Variants in SPATS2 observed in about 807,000 individuals in gnomAD.
The protein encoded by SPATS2 is spermatogenesis associated serine rich 2, also known as spermatogenesis-associated serine-rich protein 2.
In SPATS2, 38 loss-of-function variants were observed where a neutral mutation model predicts 63.7. That is an observed-to-expected ratio of 0.60 (90% CI 0.46 to 0.78). The LOEUF (loss-of-function observed/expected upper bound fraction) is 0.78, where lower values mean the gene tolerates loss of function less well. Ranked by LOEUF, SPATS2 falls within the 30% of genes least tolerant of loss-of-function variation. SPATS2 has a pLI of 0.00. For missense variants in SPATS2, 588 were observed against 666.2 expected, an observed-to-expected ratio of 0.88 and a Z score of 1.29; for synonymous variants, 207 against 232.9, an observed-to-expected ratio of 0.89 and a Z score of 1.01.
chr12:49,406,660 TC>T (rs1285954614), intron 2 of SPATS2: 26 of 152,056 alleles, frequency 1.7e-4, no homozygotes, highest in Admixed American at 1.7e-3. Context: ...GCTGCTTTTT[TC>T]CCCCTATTTT....
intron 3 of SPATS2, among the ~76,000 whole-genome samples, chr12:49,465,512 G>A (rs563006615): frequency 6.6e-6 from 1 of 152,022 alleles, no homozygotes; most frequent in African/African-American, 2.4e-5. Flanking sequence ...TGAAATGTCT[G>A]TTCAAATTCT....
In SPATS2 at chr12:49,489,570, G is replaced by A; in HGVS notation, c.211G>A (p.Glu71Lys). 1 of 1,609,578 alleles carries A rather than the reference G, an allele frequency of 6.2e-7. No individual in the cohort carries two copies. Among genetic ancestry groups the A allele is most frequent in the Non-Finnish European group, 8.5e-7 (1 of 1,177,916 alleles). Reference protein sequence around the residue: ...CVDKTVQAFMEGSASEVLKEW... With the variant: ...CVDKTVQAFMKGSASEVLKEW... ...GGACAAAACAGTACAAGCATTCATGGAAGGTAATCCTGACTTAATTTTAAA... is the reference window on the plus strand; with the variant it reads ...GGACAAAACAGTACAAGCATTCATGAAAGGTAATCCTGACTTAATTTTAAA... Residue 71 changes from glutamate (E) to lysine (K), a missense_variant, in exon 5 of 14, where the codon GAA becomes AAA. Glu to Lys is a moderately conservative substitution (Grantham distance 56). Coordinates refer to ENST00000552918, the MANE Select transcript of SPATS2 (RefSeq NM_023071.4).
chr12:49,493,247 A>G (rs1380279069), intron 6 of SPATS2, among the ~76,000 whole-genome samples: 2 of 152,234 alleles, frequency 1.3e-5, no homozygotes, highest in Non-Finnish European at 2.9e-5. Context: ...AGCCTTAGGA[A>G]TAGAATTAGG....
At chr12:49,466,011 CTTTT>C (rs750603483) in intron 3 of SPATS2, among the ~76,000 whole-genome samples, 3 of 139,632 alleles carry the variant, frequency 2.1e-5, no homozygotes, top group Admixed American at 1.4e-4. Flanking sequence ...CCCAATTTAT[CTTTT>C]TTTTTTTTTT....
chr12:49,441,861 T>C lies in SPATS2; in HGVS notation c.-243-18909T>C, dbSNP rs145503889. ...AACTTAATATCATATACACAACATATGCAAATTTTTCACCTTTCACAGCAC... is the reference window on the plus strand; with the variant it reads ...AACTTAATATCATATACACAACATACGCAAATTTTTCACCTTTCACAGCAC... On this transcript the variant is annotated intron_variant, in intron 2 of 13. Coordinates refer to ENST00000552918, the MANE Select transcript of SPATS2 (RefSeq NM_023071.4). The C allele has an allele frequency of 2.6e-4, 39 of 152,228 alleles. No individual in the cohort carries two copies. In the East Asian group the frequency reaches 7.3e-3, roughly 29 times the overall value. 9.4% of individuals were successfully genotyped at this position (152,228 alleles called of 1,614,324 possible). A position where few individuals can be genotyped will look rare whatever the true frequency, so the allele number is the denominator to read the frequency against.
intron 13 of SPATS2, 129 bp downstream of exon 13, chr12:49,525,025 C>A: frequency 1.1e-6 from 1 of 915,134 alleles, no homozygotes; most frequent in Non-Finnish European, 1.6e-6. Flanking sequence ...ATCCCTCCAA[C>A]CCAAGTTAGT....
At chr12:49,483,137 G>GAA (rs201106429) in intron 3 of SPATS2, among the ~76,000 whole-genome samples, 16 of 81,980 alleles carry the variant, frequency 2.0e-4, no homozygotes, top group Admixed American at 2.6e-4. Flanking sequence ...GTTGTTAAAG[G>GAA]AAAAAAAAAA....
At chr12:49,516,204 T>TATATATAAAAATAA (rs764472141) in intron 10 of SPATS2, among the ~76,000 whole-genome samples, 8 of 70,724 alleles carry the variant, frequency 1.1e-4, no homozygotes, top group African/African-American at 4.2e-4. Flanking sequence ...TATATATATA[T>TATATATAAAAATAA]ATATAAATCA....
chr12:49,396,174 G>T (rs1944507827), intron 2 of SPATS2, among the ~76,000 whole-genome samples: 1 of 152,054 alleles, frequency 6.6e-6, no homozygotes, highest in South Asian at 2.1e-4. Flanking sequence ...CCACATCTTG[G>T]CCATTGTGAA....
chr12:49,501,308 T>A lies in SPATS2; in HGVS notation c.839+1103T>A, dbSNP rs191989827. ...CCACATCTTGGCAAGGACCTTGCTG[T>A]GTCATTCCATGGCAGATGGCAGAAG... On this transcript the variant is annotated intron_variant, in intron 9 of 13. Coordinates refer to ENST00000552918, the MANE Select transcript of SPATS2 (RefSeq NM_023071.4). Among the ~76,000 whole-genome samples the A allele has an allele frequency of 1.1e-4, 16 of 152,276 alleles. No individual in the cohort carries two copies. The East Asian group carries it at 2.9e-3, about 28-fold the overall frequency.
At chr12:49,371,785 T>C (rs1482138907) in intron 2 of SPATS2, among the ~76,000 whole-genome samples, 1 of 151,938 alleles carries the variant, frequency 6.6e-6, no homozygotes, top group Non-Finnish European at 1.5e-5. Context: ...TTTAAACAAC[T>C]AGATCTTGTG....
intron 2 of SPATS2, among the ~76,000 whole-genome samples, chr12:49,388,952 C>T (rs1007423906): frequency 5.3e-5 from 8 of 152,056 alleles, no homozygotes; most frequent in Non-Finnish European, 1.0e-4. Flanking sequence ...CATTGGCCTA[C>T]GAAAGTGCTG....
Position 49,389,815 on chromosome 12 carries a change from C to T in SPATS2, c.-244+18525C>T, listed in dbSNP as rs182041851. The T allele has an allele frequency of 9.5e-4, 915 of 966,280 alleles. 1 individual carries two copies. The highest frequency in any genetic ancestry group is 1.6e-3 in the Admixed American group (94 of 58,902). The allele number at this position is 966,280 out of a possible 1,614,324, so 59.9% of individuals were successfully genotyped here. On this transcript the variant is annotated intron_variant, in intron 2 of 13. Transcript: ENST00000552918. The stretch of plus-strand genomic sequence containing the variant: ...GAACATCAGTCGGCCTTGGAACTTA[C>T]GATGAGCAAGTATCGAGAACAAATG...
At chr12:49,516,532 C>G (rs1051010106) in intron 10 of SPATS2, among the ~76,000 whole-genome samples, 5 of 151,606 alleles carry the variant, frequency 3.3e-5, no homozygotes, top group African/African-American at 1.2e-4. Context: ...ATGGTGAAAC[C>G]CTGTCTCTAC....
intron 2 of SPATS2, among the ~76,000 whole-genome samples, chr12:49,410,819 A>G (rs1317956285): frequency 6.6e-6 from 1 of 151,348 alleles, no homozygotes; most frequent in Non-Finnish European, 1.5e-5. Flanking sequence ...CATTTTCTCC[A>G]CTATATTATA....
intron 2 of SPATS2, among the ~76,000 whole-genome samples, chr12:49,400,747 A>G (rs572228877): frequency 6.6e-6 from 1 of 152,350 alleles, no homozygotes; most frequent in Non-Finnish European, 1.5e-5. Context: ...AAAATGTACC[A>G]AATAGAGGAG....
chr12:49,420,381 G>A (rs1221752311), intron 2 of SPATS2, among the ~76,000 whole-genome samples: 1 of 152,160 alleles, frequency 6.6e-6, no homozygotes, highest in African/African-American at 2.4e-5. Flanking sequence ...ACCACCTGAG[G>A]TGAGGAGTTT....
At chr12:49,484,785 T>C (rs1166293997) in intron 4 of SPATS2, 116 bp downstream of exon 4, 7 of 830,524 alleles carry the variant, frequency 8.4e-6, no homozygotes, top group Non-Finnish European at 1.3e-5. Flanking sequence ...AATAAAACAA[T>C]GCCACTATAT....
chr12:49,429,382 G>A (rs568149482), intron 2 of SPATS2, among the ~76,000 whole-genome samples: 14 of 152,224 alleles, frequency 9.2e-5, no homozygotes, highest in African/African-American at 3.4e-4. Flanking sequence ...TGGTGCCAGT[G>A]GTGCCAATTG....
Sources: allele counts gnomAD v4.1 joint callset (sites outside exome capture counted in the v4.1 genomes callset), GRCh38; gene constraint gnomAD v4.1.1; transcripts MANE v1.5; gene names NCBI Gene and HGNC (gene_info 2026-07-23, HGNC 2026-07-21).